Variants in HOMER2 observed in about 807,000 individuals in gnomAD.
The protein encoded by HOMER2 is homer scaffold protein 2.
Under a neutral mutation model 47.0 loss-of-function variants are expected in HOMER2, and 27 were observed. The observed-to-expected ratio is 0.57, with a 90% CI of 0.42 to 0.79. HOMER2 has a LOEUF of 0.79. HOMER2 is among the 30% of genes least tolerant of loss of function. The probability of loss-of-function intolerance (pLI) is 0.00; values close to 1 mark genes in which losing one functional copy is unlikely to be tolerated. For synonymous variants in HOMER2, 161 were observed against 163.8 expected (o/e 0.98, Z 0.13); for missense variants, 443 against 435.0 (o/e 1.02, Z -0.16).
intron 1 of HOMER2, among the ~76,000 whole-genome samples, chr15:82,897,683 T>C (rs748074927): frequency 1.3e-5 from 2 of 152,172 alleles, no homozygotes; most frequent in African/African-American, 2.4e-5. Context: ...CAAGCTGCCA[T>C]ATTAGGGAGA....
At chr15:82,899,055 G>A (rs887152902) in intron 1 of HOMER2, among the ~76,000 whole-genome samples, 2 of 152,160 alleles carry the variant, frequency 1.3e-5, no homozygotes, top group Non-Finnish European at 2.9e-5. Context: ...CACTCTGCCT[G>A]CCCAGCTGCA....
chr15:82,897,192 A>G (rs917161293), intron 1 of HOMER2, among the ~76,000 whole-genome samples: 3 of 149,624 alleles, frequency 2.0e-5, no homozygotes, highest in East Asian at 4.0e-4. Flanking sequence ...CAGCCTCCCA[A>G]GTAGCTGGGA....
chr15:82,942,635 A>G (rs1239538310), intron 1 of HOMER2, among the ~76,000 whole-genome samples: 1 of 152,228 alleles, frequency 6.6e-6, no homozygotes, highest in Non-Finnish European at 1.5e-5. Context: ...ATAATCAATG[A>G]GGAGCTCCCT....
intron 1 of HOMER2, among the ~76,000 whole-genome samples, chr15:82,946,697 A>T (rs1246884427): frequency 1.3e-5 from 2 of 151,894 alleles, no homozygotes; most frequent in Non-Finnish European, 2.9e-5. Context: ...GTATTTTATT[A>T]AAAAAACAAA....
At chr15:82,949,395 T>C (rs1371138890) in intron 1 of HOMER2, among the ~76,000 whole-genome samples, 5 of 151,658 alleles carry the variant, frequency 3.3e-5, no homozygotes, top group African/African-American at 1.2e-4. Flanking sequence ...CAGGAAACAG[T>C]GGGGCCAGAG....
chr15:82,958,329 G>C (rs919428134), exon 2 of HOMER2: 5 of 152,254 alleles, frequency 3.3e-5, no homozygotes, highest in African/African-American at 1.2e-4. Flanking sequence ...AACGAGACCA[G>C]CACATGCTGA....
chr15:82,872,594 C>G (rs964382923), intron 3 of HOMER2, among the ~76,000 whole-genome samples: 1 of 152,202 alleles, frequency 6.6e-6, no homozygotes, highest in Admixed American at 6.5e-5. Flanking sequence ...AAGCCTTCCA[C>G]GACTGGACCT....
intron 3 of HOMER2, among the ~76,000 whole-genome samples, chr15:82,869,989 T>C (rs554321655): frequency 1.3e-5 from 2 of 152,228 alleles, no homozygotes; most frequent in African/African-American, 4.8e-5. Flanking sequence ...CCGAAATGTA[T>C]TGCAAAATTC....
chr15:82,881,896 A>C (rs768923470), intron 2 of HOMER2, among the ~76,000 whole-genome samples: 15 of 152,220 alleles, frequency 9.9e-5, no homozygotes, highest in Non-Finnish European at 1.8e-4. Context: ...CAGAGCTCCC[A>C]GGAGAAGCAC....
At chr15:82,971,343 C>A (rs185103463) in intron 1 of HOMER2, among the ~76,000 whole-genome samples, 108 of 152,010 alleles carry the variant, frequency 7.1e-4, no homozygotes, top group Non-Finnish European at 1.4e-3. Flanking sequence ...TGATTCCTAT[C>A]CTTTCTCAAG....
At chr15:82,971,043 A>G (rs1183086779) in intron 1 of HOMER2, among the ~76,000 whole-genome samples, 1 of 152,224 alleles carries the variant, frequency 6.6e-6, no homozygotes, top group Non-Finnish European at 1.5e-5. Flanking sequence ...TCCCTGAATT[A>G]TTGATGGGAA....
At chr15:82,852,084 G>A in intron 7 of HOMER2, 58 bp downstream of exon 7, 1 of 1,199,854 alleles carries the variant, frequency 8.3e-7, no homozygotes, top group Non-Finnish European at 1.2e-6. Context: ...CCTGCTGTGT[G>A]CCACCCCGCA....
chr15:82,854,359 T>A (rs1423008990), intron 6 of HOMER2, among the ~76,000 whole-genome samples: 2 of 152,024 alleles, frequency 1.3e-5, no homozygotes, highest in African/African-American at 2.4e-5. Flanking sequence ...TGCACTGAGA[T>A]CGTGCCACTG....
At chr15:82,981,099 T>C (rs2030379895) in intron 1 of HOMER2, among the ~76,000 whole-genome samples, 1 of 151,998 alleles carries the variant, frequency 6.6e-6, no homozygotes, top group African/African-American at 2.4e-5. Flanking sequence ...GAAGGAATAA[T>C]TGCAGGCACA....
At chr15:82,903,018 A>C (rs1323343640) in intron 1 of HOMER2, among the ~76,000 whole-genome samples, 1 of 152,222 alleles carries the variant, frequency 6.6e-6, no homozygotes, top group Non-Finnish European at 1.5e-5. Flanking sequence ...GTGTTTCAAA[A>C]TGTAAATTGT....
chr15:82,953,872 G>A (rs1217153221), upstream of HOMER2, among the ~76,000 whole-genome samples: 4 of 152,116 alleles, frequency 2.6e-5, no homozygotes, highest in Admixed American at 2.0e-4. Flanking sequence ...AACAGAGCGA[G>A]ACTCCGTCTC....
chr15:82,941,601 G>C (rs1029715014), intron 1 of HOMER2, among the ~76,000 whole-genome samples: 1 of 151,638 alleles, frequency 6.6e-6, no homozygotes, highest in African/African-American at 2.4e-5. Context: ...CCCACTGCTT[G>C]ATGCCCAGGT....
intron 3 of HOMER2, among the ~76,000 whole-genome samples, chr15:82,869,582 C>G (rs956024263): frequency 6.7e-6 from 1 of 150,110 alleles, no homozygotes; most frequent in Admixed American, 6.7e-5. Flanking sequence ...TGCAGCCTCC[C>G]AAGTAGCTGG....
rs1249897309 is a variant in HOMER2, at chr15:82,839,252, A to G, written c.*8022T>C. ...CATAGGTTGCCTTTGTGTGGGCCCT[A>G]CTGAGGCAGAATATGACCAGATGAA... On this transcript the variant is annotated 3_prime_UTR_variant, in exon 2 of 2. Coordinates refer to the HOMER2 transcript ENST00000558090. 2.6e-5 allele frequency: 4 copies of G among 152,212 alleles called. No individual in the cohort carries two copies. The East Asian group carries it at 5.8e-4, about 22-fold the overall frequency. 9.4% of individuals were successfully genotyped at this position (152,212 alleles called of 1,614,324 possible). A position where few individuals can be genotyped will look rare whatever the true frequency, so the allele number is the denominator to read the frequency against.
Sources: gnomAD v4.1 joint callset for allele counts (sites outside exome capture counted in the v4.1 genomes callset) on GRCh38, gnomAD v4.1.1 for gene constraint, MANE v1.5 for transcripts, NCBI Gene and HGNC (gene_info 2026-07-23, HGNC 2026-07-21) for gene names.